Variants in CLVS1 observed in about 807,000 individuals in gnomAD.
CLVS1 encodes clavesin 1, also known as clavesin-1.
Under a neutral mutation model 33.1 loss-of-function variants are expected in CLVS1, and 10 were observed. The observed-to-expected ratio is 0.30, with a 90% CI of 0.19 to 0.51. The LOEUF (loss-of-function observed/expected upper bound fraction) is 0.51, where lower values mean the gene tolerates loss of function less well. Ranked by LOEUF, CLVS1 falls within the 20% of genes least tolerant of loss-of-function variation. The pLI is 0.97. For synonymous variants in CLVS1, 163 were observed against 166.1 expected (o/e 0.98, Z 0.14); for missense variants, 343 against 433.4 (o/e 0.79, Z 1.85).
At chr8:61,347,995 G>A (rs1027079266) in intron 2 of CLVS1, among the ~76,000 whole-genome samples, 3 of 151,350 alleles carry the variant, frequency 2.0e-5, no homozygotes, top group Non-Finnish European at 2.9e-5. Flanking sequence ...GACTCTCAGC[G>A]ATTTTCAATG....
At chr8:61,169,641 G>A (rs763348671) in intron 2 of CLVS1, among the ~76,000 whole-genome samples, 8 of 152,110 alleles carry the variant, frequency 5.3e-5, no homozygotes, top group Non-Finnish European at 8.8e-5. Flanking sequence ...TTTGTCCCAG[G>A]CCGTTGTCTG....
the CLVS1 span, among the ~76,000 whole-genome samples, chr8:60,982,351 C>T: frequency 6.6e-6 from 1 of 152,174 alleles, no homozygotes; most frequent in Non-Finnish European, 1.5e-5. Flanking sequence ...AAATTAAATA[C>T]ATTTAACCAG....
At chr8:61,422,246 T>C (rs1176583166) in intron 3 of CLVS1, among the ~76,000 whole-genome samples, 8 of 152,174 alleles carry the variant, frequency 5.3e-5, no homozygotes, top group African/African-American at 1.7e-4. Flanking sequence ...TATACATACA[T>C]GTGTGAAATT....
chr8:61,415,138 C>A (rs554688823), intron 3 of CLVS1, among the ~76,000 whole-genome samples: 1 of 152,368 alleles, frequency 6.6e-6, no homozygotes, highest in African/African-American at 2.4e-5. Flanking sequence ...ATTCTGAGAC[C>A]TTTTCCCCTC....
the CLVS1 span, among the ~76,000 whole-genome samples, chr8:61,008,432 T>C: frequency 1.3e-5 from 2 of 151,946 alleles, no homozygotes; most frequent in Non-Finnish European, 2.9e-5. Context: ...GAGTAACTAT[T>C]ATTTCCTGAG....
rs1041338337 is a variant in CLVS1, at chr8:61,341,454, G to A, written c.456-35151G>A. Among the ~76,000 whole-genome samples, 9 of 152,178 alleles carry A rather than the reference G, an allele frequency of 5.9e-5. No individual in the cohort carries two copies. In the South Asian group the frequency reaches 1.9e-3, roughly 31 times the overall value. ...TTCTTTCTCTTTTGGGGACACTTGT[G>A]AATATGCATGTCCCAAATCATAGGC... On this transcript the variant is annotated intron_variant, in intron 2 of 5. Coordinates refer to ENST00000325897, the MANE Select transcript of CLVS1 (RefSeq NM_173519.3).
chr8:61,088,201 G>A (rs1034653202), intron 1 of CLVS1, among the ~76,000 whole-genome samples: 5 of 152,188 alleles, frequency 3.3e-5, no homozygotes, highest in African/African-American at 1.2e-4. Flanking sequence ...ATGTAGCAAT[G>A]TAATTGGCCG....
intron 2 of CLVS1, among the ~76,000 whole-genome samples, chr8:61,168,962 C>G (rs563512014): frequency 6.6e-6 from 1 of 152,354 alleles, no homozygotes; most frequent in South Asian, 2.1e-4. Flanking sequence ...CTTCCATAGA[C>G]AAGTCTCTTA....
intron 3 of CLVS1, among the ~76,000 whole-genome samples, chr8:61,382,765 G>A (rs1813935688): frequency 6.6e-6 from 1 of 152,160 alleles, no homozygotes; most frequent in Non-Finnish European, 1.5e-5. Flanking sequence ...AGGAGATGCT[G>A]CTGCTGCTGG....
the CLVS1 span, among the ~76,000 whole-genome samples, chr8:60,982,047 C>T: frequency 1.3e-5 from 2 of 152,254 alleles, no homozygotes; most frequent in Non-Finnish European, 2.9e-5. Flanking sequence ...TGGCAAACTC[C>T]GCCAGCCTGC....
intron 2 of CLVS1, among the ~76,000 whole-genome samples, chr8:61,166,181 G>T (rs1477953762): frequency 6.6e-6 from 1 of 151,712 alleles, no homozygotes; most frequent in Non-Finnish European, 1.5e-5. Flanking sequence ...AGGCTGGAGT[G>T]CAGTGGCACG....
At chr8:61,193,777 C>T (rs888259238) in intron 2 of CLVS1, among the ~76,000 whole-genome samples, 2 of 151,790 alleles carry the variant, frequency 1.3e-5, no homozygotes, top group African/African-American at 4.8e-5. Context: ...GAAAAACACA[C>T]TCTAATAGAA....
chr8:61,170,356 G>T (rs1336000823), intron 2 of CLVS1, among the ~76,000 whole-genome samples: 1 of 151,956 alleles, frequency 6.6e-6, no homozygotes, highest in African/African-American at 2.4e-5. Flanking sequence ...TCTCCACTCT[G>T]CCTGTCTTTC....
intron 1 of CLVS1, among the ~76,000 whole-genome samples, chr8:61,116,603 C>T (rs1463388013): frequency 6.6e-6 from 1 of 152,028 alleles, no homozygotes; most frequent in African/African-American, 2.4e-5. Context: ...AGCCAATTTT[C>T]CCAGCACCAT....
chr8:61,087,549 T>A (rs1338679872), intron 1 of CLVS1, among the ~76,000 whole-genome samples: 1 of 151,778 alleles, frequency 6.6e-6, no homozygotes, highest in Non-Finnish European at 1.5e-5. Flanking sequence ...AGAAGAGGAG[T>A]AGAACCTAGG....
chr8:60,988,833 G>A, the CLVS1 span, among the ~76,000 whole-genome samples: 1 of 152,162 alleles, frequency 6.6e-6, no homozygotes, highest in Non-Finnish European at 1.5e-5. Context: ...GTTTTTTCCA[G>A]GAGAAAGTAG....
chr8:61,209,855 G>A (rs1807936125), intron 2 of CLVS1, among the ~76,000 whole-genome samples: 2 of 152,132 alleles, frequency 1.3e-5, no homozygotes, highest in Admixed American at 6.5e-5. Flanking sequence ...GTGGGGATTG[G>A]GGGAGTAACT....
intron 1 of CLVS1, among the ~76,000 whole-genome samples, chr8:61,081,898 C>T (rs1805025837): frequency 2.0e-5 from 3 of 152,166 alleles, no homozygotes; most frequent in Non-Finnish European, 4.4e-5. Flanking sequence ...CCCAGTACAT[C>T]CCATTCAGCT....
In CLVS1 at chr8:61,132,621, G is replaced by T. The variant is rs377489292; in HGVS notation, c.-152+761G>T. Among the ~76,000 whole-genome samples the T allele has an allele frequency of 7.9e-5, 12 of 152,336 alleles. 1 individual carries two copies. In the East Asian group the frequency reaches 2.3e-3, roughly 29 times the overall value. On this transcript the variant is annotated intron_variant, in intron 2 of 2. Coordinates refer to the CLVS1 transcript ENST00000522621. The stretch of plus-strand genomic sequence containing the variant: ...GGCATTTCCCCTTCTGTGTGGCACA[G>T]TTCAGGGCTATTTGTTGGGTTTTAC...
Sources: allele counts gnomAD v4.1 joint callset (sites outside exome capture counted in the v4.1 genomes callset), GRCh38; gene constraint gnomAD v4.1.1; transcripts MANE v1.5; gene names NCBI Gene and HGNC (gene_info 2026-07-23, HGNC 2026-07-21).